SERINC2: variants seen among roughly 807,000 people sequenced by gnomAD.
The protein encoded by SERINC2 is tumor differentially expressed protein 2.
SERINC2 carries 56 observed loss-of-function variants against 54.2 expected under a neutral mutation model. The ratio of observed to expected loss-of-function variants is 1.03; its 90% CI spans 0.83 to 1.29. The LOEUF is 1.29. Ranked by LOEUF, SERINC2 falls within the 50% of genes most tolerant of loss-of-function variation. The pLI is 0.00. For synonymous variants in SERINC2, 272 were observed against 253.1 expected (o/e 1.07, Z -0.71); for missense variants, 614 against 607.4 (o/e 1.01, Z -0.12).
chr1:31,434,264 C>T lies in SERINC2; in HGVS notation c.*65C>T. On this transcript the variant is annotated 3_prime_UTR_variant, in exon 10 of 10. Transcript: ENST00000373709. The stretch of plus-strand genomic sequence containing the variant: ...TGGTGCCTCTCGGCTCAGTGACAGC[C>T]AACCTGCCCCCTCCCCACACCAATC... 6.6e-7 allele frequency: 1 copy of T among 1,515,978 alleles called. No homozygotes were observed. Among genetic ancestry groups the T allele is most frequent in the Non-Finnish European group, 9.0e-7 (1 of 1,114,080 alleles). The allele number at this position is 1,515,978 out of a possible 1,614,324, so 93.9% of individuals were successfully genotyped here.
chr1:31,413,859 TTGTCCGTCTGCTGTCTTC>T lies in SERINC2; in HGVS notation c.39+567_39+584del, dbSNP rs1553131817. On this transcript the variant is annotated intron_variant, in intron 1 of 9. Transcript: ENST00000373709. This position sits in a 1 kb window ranked among gnomAD's most constrained non-coding sequence, Gnocchi z 5.0. ...GTGTCCGTCGTTCGTCCGACTGTCT[TTGTCCGTCTGCTGTCTTC>T]TGTCCGTCTGCCCGTCCGCCCGTCC... 2.1e-6 allele frequency: 3 copies of T among 1,428,976 alleles called. No individual in the cohort carries two copies. The highest frequency in any genetic ancestry group is 2.9e-5 in the African/African-American group (2 of 68,276). 88.5% of individuals were successfully genotyped at this position (1,428,976 alleles called of 1,614,324 possible).
chr1:31,431,893 GA>G (rs1641242066), intron 8 of SERINC2, among the ~76,000 whole-genome samples: 3 of 146,152 alleles, frequency 2.1e-5, no homozygotes, highest in African/African-American at 2.5e-5. Flanking sequence ...GGACAGGGTG[GA>G]TAGGGTGGAT....
At chr1:31,427,601 G>A (rs1641079625) in intron 6 of SERINC2, among the ~76,000 whole-genome samples, 1 of 152,106 alleles carries the variant, frequency 6.6e-6, no homozygotes, top group Non-Finnish European at 1.5e-5. Flanking sequence ...CTAGATGTTG[G>A]GGATATGGCT....
At chr1:31,428,935 GTC>G in intron 6 of SERINC2, 41 bp from the exon 7 acceptor site, 1 of 1,538,902 alleles carries the variant, frequency 6.5e-7, no homozygotes, top group Non-Finnish European at 9.0e-7. Context: ...GGGGTGGGGT[GTC>G]TCTGGTCTGG....
At chr1:31,411,236 C>T (rs868977029), upstream of SERINC2, among the ~76,000 whole-genome samples, 1 of 152,130 alleles carries the variant, frequency 6.6e-6, no homozygotes, top group African/African-American at 2.4e-5. Context: ...ATATTGTCAC[C>T]TCTACTTTTT....
chr1:31,423,359 G>A (rs1220621101), intron 1 of SERINC2, among the ~76,000 whole-genome samples: 1 of 152,196 alleles, frequency 6.6e-6, no homozygotes, highest in Non-Finnish European at 1.5e-5. Flanking sequence ...GGTCACGAAG[G>A]TAATCGGTGA....
intron 6 of SERINC2, 132 bp downstream of exon 6, chr1:31,426,955 G>A: frequency 1.3e-6 from 1 of 775,988 alleles, no homozygotes; most frequent in Non-Finnish European, 2.1e-6. Context: ...TCCCAGGTCA[G>A]CCTCCCCAGG....
At chr1:31,429,729 G>A (rs1459642649) in intron 8 of SERINC2, among the ~76,000 whole-genome samples, 191 bp downstream of exon 8, 1 of 152,212 alleles carries the variant, frequency 6.6e-6, no homozygotes, top group Non-Finnish European at 1.5e-5. Context: ...ACAGAGGCAG[G>A]CGTGACCTTG....
chr1:31,411,374 A>G (rs1553131447), upstream of SERINC2, among the ~76,000 whole-genome samples: 2 of 151,978 alleles, frequency 1.3e-5, no homozygotes, highest in African/African-American at 4.8e-5. Context: ...CGTTTATTCG[A>G]CGCTTGATTT....
At position 31,433,976 on chromosome 1, in the gene SERINC2, G is replaced by A. The variant is rs1641394232; in HGVS notation, c.1233-88G>A. The A allele has an allele frequency of 9.5e-6, 13 of 1,369,442 alleles. No homozygotes were observed. The East Asian group carries it at 3.0e-4, about 31-fold the overall frequency. The allele number at this position is 1,369,442 out of a possible 1,614,324, so 84.8% of individuals were successfully genotyped here. A position where few individuals can be genotyped will look rare whatever the true frequency, so the allele number is the denominator to read the frequency against. On this transcript the variant is annotated intron_variant, in intron 9 of 9. Transcript: ENST00000373709. ...AGGGTAAGAGCCAGAGTTGAAGTCA[G>A]GGGTCATAACTGGGACATAAGGCCA...
At chr1:31,428,187 C>T (rs1553133888) in intron 6 of SERINC2, among the ~76,000 whole-genome samples, 1 of 151,636 alleles carries the variant, frequency 6.6e-6, no homozygotes, top group East Asian at 1.9e-4. Flanking sequence ...TTACAGGCAC[C>T]CGCCACCACA....
chr1:31,414,875 A>G, intron 1 of SERINC2: 1 of 563,816 alleles, frequency 1.8e-6, no homozygotes, highest in Non-Finnish European at 2.2e-6. Context: ...GGCAGTTGAC[A>G]GTAACAGGGC....
At chr1:31,432,823 G>T in intron 8 of SERINC2, 144 bp from the exon 9 acceptor site, 1 of 634,016 alleles carries the variant, frequency 1.6e-6, no homozygotes. Context: ...GGGGGTAGGG[G>T]TAGAGTTGAG....
chr1:31,432,691 T>C (rs1253008992), intron 8 of SERINC2, among the ~76,000 whole-genome samples: 2 of 152,192 alleles, frequency 1.3e-5, no homozygotes, highest in African/African-American at 4.8e-5. Flanking sequence ...TACATCATTA[T>C]TCCGTCTAGT....
chr1:31,418,564 C>T (rs1017743821), intron 1 of SERINC2, among the ~76,000 whole-genome samples: 3 of 152,054 alleles, frequency 2.0e-5, no homozygotes, highest in South Asian at 2.1e-4. Flanking sequence ...TTTGTAGAGA[C>T]GGGGTTTCAC....
At chr1:31,432,391 C>G (rs1449314386) in intron 8 of SERINC2, among the ~76,000 whole-genome samples, 1 of 152,034 alleles carries the variant, frequency 6.6e-6, no homozygotes, top group Non-Finnish European at 1.5e-5. Context: ...CAAGGCTCAT[C>G]ACAGAAAAGC....
intron 8 of SERINC2, among the ~76,000 whole-genome samples, chr1:31,431,777 AT>A: frequency 1.0e-5 from 1 of 95,676 alleles, no homozygotes; most frequent in South Asian, 3.9e-4. Flanking sequence ...GAGAGGGTGA[AT>A]AGGGTGGATA....
chr1:31,418,484 T>C (rs1307699978), intron 1 of SERINC2, among the ~76,000 whole-genome samples: 1 of 152,162 alleles, frequency 6.6e-6, no homozygotes, highest in Non-Finnish European at 1.5e-5. Flanking sequence ...CAAGCGAGTC[T>C]GCTGCCTCAA....
rs957590708 is a variant in SERINC2, at chr1:31,416,187, T to C, written c.39+2883T>C. 7.8e-4 allele frequency among the ~76,000 whole-genome samples: 118 copies of C among 152,166 alleles called. 5 individuals carry two copies. Among genetic ancestry groups the C allele is most frequent in the Admixed American group, 2.0e-4 (3 of 15,272 alleles). On this transcript the variant is annotated intron_variant, in intron 1 of 9. Coordinates refer to ENST00000373709, the MANE Select transcript of SERINC2 (RefSeq NM_178865.5). ...CCCTTAGCCTGTTGTGAGGATTAAATGGGACTGAGGTTAGCACAGCTGCAT... is the reference window on the plus strand; with the variant it reads ...CCCTTAGCCTGTTGTGAGGATTAAACGGGACTGAGGTTAGCACAGCTGCAT...
Sources: allele counts gnomAD v4.1 joint callset (sites outside exome capture counted in the v4.1 genomes callset), GRCh38; gene constraint gnomAD v4.1.1; non-coding constraint Gnocchi (gnomAD v3.1); transcripts MANE v1.5; gene names NCBI Gene and HGNC (gene_info 2026-07-23, HGNC 2026-07-21).